Variants in MYO5B observed in about 807,000 individuals in gnomAD.
MYO5B encodes the protein unconventional myosin-Vb.
MYO5B carries 143 observed loss-of-function variants against 229.3 expected under a neutral mutation model. That is an observed-to-expected ratio of 0.62 (90% confidence interval 0.54 to 0.72). The LOEUF (loss-of-function observed/expected upper bound fraction) is 0.72, where lower values mean the gene tolerates loss of function less well. MYO5B is among the 30% of genes least tolerant of loss of function. The pLI is 0.00. For synonymous variants in MYO5B, 918 were observed against 885.2 expected (o/e 1.04, Z -0.66); for missense variants, 2,321 against 2,331.0 (o/e 1.00, Z 0.09).
At chr18:49,914,873 T>C (rs1421331680) in intron 17 of MYO5B, among the ~76,000 whole-genome samples, 1 of 152,092 alleles carries the variant, frequency 6.6e-6, no homozygotes, top group Non-Finnish European at 1.5e-5. Flanking sequence ...TGGTGGGCAG[T>C]ACGGGCACAC....
chr18:50,040,339 C>T (rs747479384), intron 2 of MYO5B, 25 bp from the exon 3 acceptor site: 6 of 1,611,190 alleles, frequency 3.7e-6, no homozygotes, highest in Middle Eastern at 1.6e-4. Flanking sequence ...GTAGCAGACA[C>T]AAAAAGGTGG....
At chr18:50,092,623 A>G (rs899300984) in intron 1 of MYO5B, among the ~76,000 whole-genome samples, 3 of 152,202 alleles carry the variant, frequency 2.0e-5, no homozygotes, top group African/African-American at 7.2e-5. Flanking sequence ...GAGGTTGGTC[A>G]GCTGCTTGGC....
At chr18:50,075,800 G>A (rs2031064977) in intron 1 of MYO5B, among the ~76,000 whole-genome samples, 1 of 152,240 alleles carries the variant, frequency 6.6e-6, no homozygotes, top group Non-Finnish European at 1.5e-5. Flanking sequence ...CAGGAGCATG[G>A]AGCCAGAACC....
chr18:49,924,302 G>A (rs1019860968), intron 17 of MYO5B, among the ~76,000 whole-genome samples: 2 of 152,194 alleles, frequency 1.3e-5, no homozygotes, highest in African/African-American at 4.8e-5. Flanking sequence ...AGTGTCCAGT[G>A]CTGGCTGAGA....
chr18:49,877,511 T>C (rs868865082), intron 25 of MYO5B, among the ~76,000 whole-genome samples: 2 of 152,290 alleles, frequency 1.3e-5, no homozygotes, highest in Middle Eastern at 3.4e-3. Context: ...GAATCAGAGA[T>C]CCACCTTCTT....
At position 49,906,587 on chromosome 18, in the gene MYO5B, C is replaced by T. The variant is rs769427830; in HGVS notation, c.2246G>A (p.Arg749Gln). The T allele has an allele frequency of 1.5e-5, 24 of 1,613,950 alleles. No individual in the cohort carries two copies. Among genetic ancestry groups the T allele is most frequent in the South Asian group, 2.2e-5 (2 of 91,074 alleles). The change falls in exon 19 of 40, where the codon CGA (arginine) becomes CAA (glutamine). Residue 749 changes from arginine to glutamine, a missense_variant. Transcript: ENST00000285039. ...FQFGRTKIFF[R>Q]AGQVAYLEKL... ...CTCCAGGTAGGCCACCTGGCCTGCT[C>T]GAAAGAAGATCTTGGTGCGGCCAAA...
intron 12 of MYO5B, among the ~76,000 whole-genome samples, chr18:49,957,855 T>C (rs1214594536): frequency 6.6e-6 from 1 of 151,984 alleles, no homozygotes; most frequent in Non-Finnish European, 1.5e-5. Flanking sequence ...GTACCATAAA[T>C]ACCTCTGGAT....
intron 4 of MYO5B, among the ~76,000 whole-genome samples, chr18:50,032,592 T>C (rs2026401873): frequency 6.6e-6 from 1 of 152,262 alleles, no homozygotes; most frequent in African/African-American, 2.4e-5. Context: ...TATTCCTCAT[T>C]TGATTTATCC....
intron 17 of MYO5B, among the ~76,000 whole-genome samples, chr18:49,919,020 G>T (rs1226687175): frequency 1.3e-5 from 2 of 152,182 alleles, no homozygotes; most frequent in African/African-American, 4.8e-5. Context: ...GACTTGACCT[G>T]ATTACTTAAC....
At chr18:50,190,342 T>C (rs1017340652) in intron 1 of MYO5B, among the ~76,000 whole-genome samples, 3 of 152,208 alleles carry the variant, frequency 2.0e-5, no homozygotes, top group African/African-American at 4.8e-5. Context: ...AAAGCCCACA[T>C]TGTCTTTTCC....
chr18:50,150,156 T>C (rs560154815), intron 1 of MYO5B, among the ~76,000 whole-genome samples: 3,371 of 135,944 alleles, frequency 0.025, 120 homozygotes, highest in African/African-American at 0.089. Flanking sequence ...CCAGTTAGAA[T>C]GGCAATCATT....
intron 14 of MYO5B, among the ~76,000 whole-genome samples, chr18:49,937,866 A>AG (rs1267124710): frequency 2.0e-5 from 3 of 152,088 alleles, no homozygotes; most frequent in Non-Finnish European, 4.4e-5. Context: ...GTGCCTGCTA[A>AG]GGGGGACAGG....
intron 14 of MYO5B, among the ~76,000 whole-genome samples, chr18:49,950,087 C>A (rs150504116): frequency 1.1e-3 from 165 of 152,302 alleles, no homozygotes; most frequent in African/African-American, 3.5e-3. Flanking sequence ...TCTTTTGAGA[C>A]GTCTGAAACA....
At chr18:50,166,980 T>C (rs1364109468) in intron 1 of MYO5B, among the ~76,000 whole-genome samples, 1 of 152,182 alleles carries the variant, frequency 6.6e-6, no homozygotes, top group African/African-American at 2.4e-5. Context: ...TTTCAATCTT[T>C]TAGGTGAATA....
chr18:49,964,648 C>T (rs1314236363), intron 10 of MYO5B, among the ~76,000 whole-genome samples: 1 of 152,168 alleles, frequency 6.6e-6, no homozygotes, highest in Non-Finnish European at 1.5e-5. Flanking sequence ...TGAATTTTAA[C>T]TTATCATTAC....
chr18:50,118,248 T>G (rs1599033973), intron 1 of MYO5B, among the ~76,000 whole-genome samples: 1 of 152,298 alleles, frequency 6.6e-6, no homozygotes, highest in South Asian at 2.1e-4. Context: ...CTAGGATGGT[T>G]GGTCACCATA....
intron 1 of MYO5B, among the ~76,000 whole-genome samples, chr18:50,072,699 C>T (rs2030986762): frequency 1.3e-5 from 2 of 152,102 alleles, no homozygotes; most frequent in Admixed American, 1.3e-4. Context: ...AGCATAAAAA[C>T]AGAAAACATT....
At chr18:49,956,299 T>C (rs564003611) in intron 12 of MYO5B, among the ~76,000 whole-genome samples, 12 of 152,368 alleles carry the variant, frequency 7.9e-5, no homozygotes, top group African/African-American at 2.9e-4. Flanking sequence ...TCATGTCAGC[T>C]AGGTGCTATG....
chr18:49,930,066 T>C (rs1425009758), intron 16 of MYO5B, among the ~76,000 whole-genome samples: 3 of 152,194 alleles, frequency 2.0e-5, no homozygotes, highest in African/African-American at 7.2e-5. Flanking sequence ...AATCATGACA[T>C]GGTCACTTAC....
Sources: gnomAD v4.1 joint callset for allele counts (sites outside exome capture counted in the v4.1 genomes callset) on GRCh38, gnomAD v4.1.1 for gene constraint, MANE v1.5 for transcripts, NCBI Gene and HGNC (gene_info 2026-07-23, HGNC 2026-07-21) for gene names.